Variants in GLOD4 observed in about 807,000 individuals in gnomAD.
GLOD4 encodes glyoxalase domain containing 4, also known as glyoxalase domain-containing protein 4.
A neutral mutation model predicts 39.1 loss-of-function variants in GLOD4; 44 were observed. The ratio of observed to expected loss-of-function variants is 1.13; its 90% CI spans 0.88 to 1.45. The LOEUF (loss-of-function observed/expected upper bound fraction) is 1.45, where lower values mean the gene tolerates loss of function less well. GLOD4 is among the 40% of genes most tolerant of loss of function. The probability of loss-of-function intolerance (pLI) is 0.00; values close to 1 mark genes in which losing one functional copy is unlikely to be tolerated. For synonymous variants in GLOD4, 145 were observed against 135.0 expected (o/e 1.07, Z -0.52); for missense variants, 405 against 366.4 (o/e 1.11, Z -0.86).
chr17:771,310 T>A lies in GLOD4; in HGVS notation c.543+15A>T. On this transcript the variant is annotated intron_variant, in intron 5 of 8. Transcript: ENST00000301329. ...AATTCAAAGTAACAGGTTATTCTTC[T>A]CCAAGATTGCTCACCTGGTTATCAG... 1.9e-6 allele frequency: 3 copies of A among 1,558,996 alleles called. No homozygotes were observed. The highest frequency in any genetic ancestry group is 2.6e-6 in the Non-Finnish European group (3 of 1,146,848).
chr17:783,617 G>A (rs1366682144), upstream of GLOD4: 8 of 294,128 alleles, frequency 2.7e-5, no homozygotes, highest in East Asian at 7.5e-5. Context: ...GATTACAGGC[G>A]TGAGCCACCA....
intron 4 of GLOD4, among the ~76,000 whole-genome samples, chr17:773,223 T>G (rs1021996496): frequency 4.6e-5 from 7 of 152,188 alleles, no homozygotes; most frequent in African/African-American, 1.4e-4. Context: ...TCATTGCTTT[T>G]GAAAGAACAA....
At chr17:782,769 T>A, upstream of GLOD4, 2 of 1,430,718 alleles carry the variant, frequency 1.4e-6, no homozygotes, top group Non-Finnish European at 1.9e-6. Flanking sequence ...CTCCTTCCGA[T>A]GGAGGACTTC....
chr17:783,341 C>A (rs373713597), upstream of GLOD4: 1 of 1,548,230 alleles, frequency 6.5e-7, no homozygotes, highest in Admixed American at 2.1e-5. Flanking sequence ...AGTGATTACC[C>A]AGTGTATCTT....
intron 4 of GLOD4, among the ~76,000 whole-genome samples, chr17:771,958 A>G (rs1290038573): frequency 6.8e-6 from 1 of 146,754 alleles, no homozygotes; most frequent in Non-Finnish European, 1.5e-5. Context: ...GGTTGCAGTG[A>G]GCCGAGATGG....
upstream of GLOD4, among the ~76,000 whole-genome samples, chr17:784,124 T>C (rs1317711175): frequency 6.6e-6 from 1 of 152,246 alleles, no homozygotes; most frequent in African/African-American, 2.4e-5. Flanking sequence ...GTAACTCCGA[T>C]GTTGATTAGC....
intron 8 of GLOD4, among the ~76,000 whole-genome samples, chr17:766,956 G>T (rs1225918425): frequency 6.6e-6 from 1 of 152,158 alleles, no homozygotes; most frequent in Non-Finnish European, 1.5e-5. Flanking sequence ...GAAGAGTCTG[G>T]CAAATTTGTC....
At chr17:768,275 TGAGA>T (rs528067373) in intron 8 of GLOD4, among the ~76,000 whole-genome samples, 3 of 134,388 alleles carry the variant, frequency 2.2e-5, no homozygotes, top group East Asian at 2.3e-4. Context: ...GGAGAGGATG[TGAGA>T]GAGAGAAACA....
upstream of GLOD4, chr17:782,781 T>C: frequency 7.4e-7 from 1 of 1,355,038 alleles, no homozygotes; most frequent in East Asian, 2.4e-5. Context: ...GAGGACTTCT[T>C]CCAGTACAGC....
Position 776,954 on chromosome 17 carries a change from C to G in GLOD4, c.175G>C (p.Gly59Arg), listed in dbSNP as rs747191303. ...YDGKWSKTMV[G>R]FGPEDDHFVA... Reference sequence around the variant, plus strand: ...AAATGATCATCCTCAGGCCCAAATCCCACCATTGTTTTACTCCATTTCCCA... The same window carrying G: ...AAATGATCATCCTCAGGCCCAAATCGCACCATTGTTTTACTCCATTTCCCA... Residue 59 changes from glycine (G) to arginine (R), a missense_variant, in exon 3 of 9, where the codon GGA (glycine) becomes CGA (arginine). Physicochemically the swap from Gly to Arg is moderately radical, Grantham distance 125. Transcript: ENST00000301329. The G allele has an allele frequency of 3.8e-5, 61 of 1,605,416 alleles. No individual in the cohort carries two copies. Among genetic ancestry groups the G allele is most frequent in the Admixed American group, 1.3e-4 (8 of 59,984 alleles).
chr17:772,981 C>T (rs1205747414), intron 4 of GLOD4, among the ~76,000 whole-genome samples: 2 of 149,684 alleles, frequency 1.3e-5, no homozygotes, highest in African/African-American at 4.9e-5. Flanking sequence ...GGCGACAGAG[C>T]GAGACTCTGT....
At chr17:775,718 C>T in intron 4 of GLOD4, 57 bp downstream of exon 4, 1 of 1,453,366 alleles carries the variant, frequency 6.9e-7, no homozygotes, top group East Asian at 2.3e-5. Context: ...AGCCCTCACT[C>T]TCCTTTCACC....
At chr17:776,531 C>T (rs1908989203) in intron 3 of GLOD4, among the ~76,000 whole-genome samples, 1 of 152,194 alleles carries the variant, frequency 6.6e-6, no homozygotes, top group African/African-American at 2.4e-5. Flanking sequence ...GCTCATTTCA[C>T]TCGGTGACTT....
rs555394985 is a variant in GLOD4 at position 775,575 on chromosome 17, G to A, written c.406+200C>T. Reference sequence around the variant, plus strand: ...AAATCACTACATTACCAGTAGAACAGAACTAGTCTAGATCCCCTACTGCTA... The same window carrying A: ...AAATCACTACATTACCAGTAGAACAAAACTAGTCTAGATCCCCTACTGCTA... On this transcript the variant is annotated intron_variant, in intron 4 of 8. Coordinates refer to ENST00000301329, the MANE Select transcript of GLOD4 (RefSeq NM_016080.4). 5.9e-5 allele frequency among the ~76,000 whole-genome samples: 9 copies of A among 152,298 alleles called. No homozygotes were observed. The South Asian group carries it at 8.3e-4, about 14-fold the overall frequency.
chr17:779,384 C>G (rs941185561), intron 1 of GLOD4, among the ~76,000 whole-genome samples: 8 of 135,364 alleles, frequency 5.9e-5, no homozygotes, highest in African/African-American at 2.2e-4. Context: ...AATCCCAGCA[C>G]TTTGGGAGGC....
intron 8 of GLOD4, among the ~76,000 whole-genome samples, chr17:767,497 G>A (rs1199255436): frequency 6.0e-5 from 9 of 150,566 alleles, no homozygotes; most frequent in Non-Finnish European, 1.0e-4. Context: ...TGGAGAGGAC[G>A]TAAGAGGGAG....
rs140896049 is a variant in GLOD4 at position 772,323 on chromosome 17, G to A, written c.407-862C>T. 2.0e-5 allele frequency among the ~76,000 whole-genome samples: 3 copies of A among 151,510 alleles called. No homozygotes were observed. In the East Asian group the frequency reaches 5.8e-4, roughly 29 times the overall value. ...ATAAATGACAAAATACATTCCTGAT[G>A]GGTTAAAAAAATAAGTTTAGAGAAT... is the stretch of plus-strand genomic sequence containing the variant. On this transcript the variant is annotated intron_variant, in intron 4 of 8. Transcript: ENST00000301329.
rs1402238130 is a variant in GLOD4 at position 759,633 on chromosome 17, T to C, written c.*540A>G. ...CTGTTTCCTCTGGACACTCAAAATG[T>C]GAAAGCAAGTAAGAGGGGGGTGGTT... On this transcript the variant is annotated 3_prime_UTR_variant, in exon 9 of 9. Transcript: ENST00000301329. The C allele has an allele frequency of 6.6e-6, 1 of 152,664 alleles. No individual in the cohort carries two copies. Among genetic ancestry groups the C allele is most frequent in the Non-Finnish European group, 1.5e-5 (1 of 68,378 alleles). The allele number at this position is 152,664 out of a possible 1,614,324, so 9.5% of individuals were successfully genotyped here. A position where few individuals can be genotyped will look rare whatever the true frequency, so the allele number is the denominator to read the frequency against.
upstream of GLOD4, chr17:782,448 C>A (rs1910157559): frequency 1.2e-6 from 2 of 1,613,830 alleles, no homozygotes; most frequent in African/African-American, 2.7e-5. Flanking sequence ...GGCTTGGGAC[C>A]TTGACGCGAG....
Sources: gnomAD v4.1 joint callset for allele counts (sites outside exome capture counted in the v4.1 genomes callset) on GRCh38, gnomAD v4.1.1 for gene constraint, MANE v1.5 for transcripts, NCBI Gene and HGNC (gene_info 2026-07-23, HGNC 2026-07-21) for gene names.